KCNQ5: variants seen among roughly 807,000 people sequenced by gnomAD.
KCNQ5 encodes potassium voltage-gated channel subfamily KQT member 5.
Under a neutral mutation model 98.2 loss-of-function variants are expected in KCNQ5, and 30 were observed. The ratio of observed to expected loss-of-function variants is 0.31; its 90% confidence interval spans 0.23 to 0.41. The LOEUF is 0.41. Among genes scored for constraint, KCNQ5 ranks in the 10% least tolerant of loss-of-function variants. The pLI is 1.00. For missense variants in KCNQ5, 835 were observed against 1,182.5 expected (o/e 0.71, Z 4.31); for synonymous variants, 458 against 449.4 (o/e 1.02, Z -0.24).
chr6:72,839,526 A>G (rs1242650142), intron 1 of KCNQ5, among the ~76,000 whole-genome samples: 3 of 152,140 alleles, frequency 2.0e-5, no homozygotes, highest in Admixed American at 2.0e-4. Context: ...ATTCTATTAC[A>G]TTACTCTAAA....
intron 1 of KCNQ5, among the ~76,000 whole-genome samples, chr6:72,849,083 TC>T (rs1424132420): frequency 2.0e-5 from 3 of 151,762 alleles, no homozygotes; most frequent in Non-Finnish European, 4.4e-5. Flanking sequence ...ATGATTTCGT[TC>T]TTTTTAATGG....
intron 3 of KCNQ5, among the ~76,000 whole-genome samples, chr6:73,070,966 T>C (rs532598434): frequency 1.3e-5 from 2 of 152,280 alleles, no homozygotes; most frequent in South Asian, 4.1e-4. Context: ...AAATAAAATA[T>C]AGGAAAATAT....
At chr6:73,060,604 T>C (rs778563681) in intron 3 of KCNQ5, among the ~76,000 whole-genome samples, 5 of 151,944 alleles carry the variant, frequency 3.3e-5, no homozygotes, top group Non-Finnish European at 5.9e-5. Context: ...AACAGCAACG[T>C]CAAAAGACAA....
At chr6:72,723,815 A>G (rs1054728143) in intron 1 of KCNQ5, among the ~76,000 whole-genome samples, 11 of 152,280 alleles carry the variant, frequency 7.2e-5, no homozygotes, top group African/African-American at 1.9e-4. Context: ...ATACATTGCC[A>G]TTCATCATTA....
chr6:72,929,205 T>A (rs1765582076), intron 1 of KCNQ5, among the ~76,000 whole-genome samples: 1 of 152,144 alleles, frequency 6.6e-6, no homozygotes, highest in South Asian at 2.1e-4. Flanking sequence ...GAAACTAAGA[T>A]CCCTTTTATA....
chr6:72,622,148 C>T lies in KCNQ5; in HGVS notation c.-42C>T. Reference sequence around the variant, plus strand: ...GCGCACATGAGGCCGCTGCCCCCGCCGCAGGCGCTGGCGGCCCCCTCGCGG... The same window carrying T: ...GCGCACATGAGGCCGCTGCCCCCGCTGCAGGCGCTGGCGGCCCCCTCGCGG... On this transcript the variant is annotated 5_prime_UTR_variant, in exon 1 of 14. Coordinates refer to ENST00000370398, the MANE Select transcript of KCNQ5 (RefSeq NM_019842.4). This position sits in a 1 kb window ranked among gnomAD's most constrained non-coding sequence, Gnocchi z 6.0. The T allele has an allele frequency of 8.2e-7, 1 of 1,214,484 alleles. No homozygotes were observed. Among genetic ancestry groups the T allele is most frequent in the Non-Finnish European group, 1.0e-6 (1 of 976,730 alleles). 75.2% of individuals were successfully genotyped at this position (1,214,484 alleles called of 1,614,324 possible). A position where few individuals can be genotyped will look rare whatever the true frequency, so the allele number is the denominator to read the frequency against.
At chr6:72,649,257 C>A (rs1765758106) in intron 1 of KCNQ5, among the ~76,000 whole-genome samples, 1 of 152,170 alleles carries the variant, frequency 6.6e-6, no homozygotes, top group Admixed American at 6.5e-5. Flanking sequence ...CTTTCAGAAT[C>A]TCTACGTATT....
intron 1 of KCNQ5, among the ~76,000 whole-genome samples, chr6:72,858,529 A>T (rs1053206135): frequency 6.6e-5 from 10 of 151,742 alleles, no homozygotes; most frequent in Non-Finnish European, 1.2e-4. Flanking sequence ...TTTTCTGAAA[A>T]TAGTAACCTT....
intron 2 of KCNQ5, among the ~76,000 whole-genome samples, chr6:73,040,210 T>C (rs984604246): frequency 2.0e-5 from 3 of 152,182 alleles, no homozygotes; most frequent in Admixed American, 6.5e-5. Flanking sequence ...TCTGTTTCCA[T>C]GAAAAAGAAA....
At position 73,055,375 on chromosome 6, in the gene KCNQ5, C is replaced by T. The variant is rs766377072; in HGVS notation, c.616+13313C>T. On this transcript the variant is annotated intron_variant, in intron 3 of 13. Coordinates refer to ENST00000370398, the MANE Select transcript of KCNQ5 (RefSeq NM_019842.4). Reference sequence around the variant, plus strand: ...ATGAGCAGCACTATGGGGCTCTAGCCGGTCTCAATAAAGCAGAAACTGCTG... The same window carrying T: ...ATGAGCAGCACTATGGGGCTCTAGCTGGTCTCAATAAAGCAGAAACTGCTG... The T allele has an allele frequency of 5.5e-4, 816 of 1,473,112 alleles. 1 individual carries two copies. In the Middle Eastern group the frequency reaches 6.2e-3, roughly 11 times the overall value. 91.3% of individuals were successfully genotyped at this position (1,473,112 alleles called of 1,614,324 possible). A position where few individuals can be genotyped will look rare whatever the true frequency, so the allele number is the denominator to read the frequency against.
chr6:73,169,456 G>C (rs57863703), intron 10 of KCNQ5, among the ~76,000 whole-genome samples: 2,281 of 152,288 alleles, frequency 0.015, 43 homozygotes, highest in African/African-American at 0.052. Flanking sequence ...CTGGGCAAAA[G>C]AGCATAGGTG....
intron 9 of KCNQ5, among the ~76,000 whole-genome samples, chr6:73,128,470 A>G (rs1776088042): frequency 6.6e-6 from 1 of 152,238 alleles, no homozygotes; most frequent in African/African-American, 2.4e-5. Flanking sequence ...AGAATAAGCC[A>G]ATATTCTCAC....
In KCNQ5 at chr6:72,622,729, C is replaced by T; in HGVS notation, c.398+142C>T. ...TTATTTCTTCGCACGTGTTCGTGGTCTTCCTTCTGGAGCCTCTCCCCTCCC... is the reference window on the plus strand; with the variant it reads ...TTATTTCTTCGCACGTGTTCGTGGTTTTCCTTCTGGAGCCTCTCCCCTCCC... On this transcript the variant is annotated intron_variant, in intron 1 of 13. Coordinates refer to ENST00000370398, the MANE Select transcript of KCNQ5 (RefSeq NM_019842.4). This position sits in a 1 kb window ranked among gnomAD's most constrained non-coding sequence, Gnocchi z 6.0. The T allele has an allele frequency of 2.4e-6, 2 of 840,598 alleles. No homozygotes were observed. The highest frequency in any genetic ancestry group is 5.7e-5 in the East Asian group (2 of 34,946). The allele number at this position is 840,598 out of a possible 1,614,324, so 52.1% of individuals were successfully genotyped here.
intron 1 of KCNQ5, among the ~76,000 whole-genome samples, chr6:72,627,802 T>C (rs2098918753): frequency 6.6e-6 from 1 of 152,052 alleles, no homozygotes; most frequent in Non-Finnish European, 1.5e-5. Flanking sequence ...TGTTTGCTCA[T>C]GCTGTTCTCT....
chr6:72,628,379 T>G (rs1582002374), intron 1 of KCNQ5, among the ~76,000 whole-genome samples: 1 of 152,196 alleles, frequency 6.6e-6, no homozygotes, highest in Admixed American at 6.5e-5. Flanking sequence ...TCTTCATCTG[T>G]GATATGGGCA....
At chr6:72,977,363 G>A (rs1050473655) in intron 1 of KCNQ5, among the ~76,000 whole-genome samples, 1 of 152,132 alleles carries the variant, frequency 6.6e-6, no homozygotes, top group Non-Finnish European at 1.5e-5. Context: ...TTATGTTACA[G>A]CATGATATTG....
chr6:72,858,914 TGTTATA>T (rs936236903), intron 1 of KCNQ5, among the ~76,000 whole-genome samples: 13 of 152,162 alleles, frequency 8.5e-5, no homozygotes, highest in Non-Finnish European at 1.3e-4. Flanking sequence ...TTTGATGAAG[TGTTATA>T]GTTATGTAAG....
intron 5 of KCNQ5, among the ~76,000 whole-genome samples, chr6:73,084,948 A>G (rs1472963455): frequency 6.6e-6 from 1 of 152,238 alleles, no homozygotes; most frequent in Non-Finnish European, 1.5e-5. Flanking sequence ...TACTCAGTTC[A>G]TGTACAAAGG....
intron 1 of KCNQ5, among the ~76,000 whole-genome samples, chr6:72,799,566 T>G (rs1774525870): frequency 6.6e-6 from 1 of 152,224 alleles, no homozygotes; most frequent in Admixed American, 6.5e-5. Flanking sequence ...GGACTTAGGT[T>G]GTATACCATT....
Sources: gnomAD v4.1 joint callset for allele counts (sites outside exome capture counted in the v4.1 genomes callset) on GRCh38, gnomAD v4.1.1 for gene constraint, Gnocchi (gnomAD v3.1) non-coding constraint, MANE v1.5 for transcripts, NCBI Gene and HGNC (gene_info 2026-07-23, HGNC 2026-07-21) for gene names.